SLIT3: variants seen among roughly 807,000 people sequenced by gnomAD.
SLIT3 encodes slit homolog 3 protein.
In SLIT3, 68 loss-of-function variants were observed where a neutral mutation model predicts 184.0. The observed-to-expected ratio is 0.37, with a 90% CI of 0.30 to 0.45. The LOEUF (loss-of-function observed/expected upper bound fraction) is 0.45. SLIT3 is among the 20% of genes least tolerant of loss of function. The pLI is 1.00. For missense variants in SLIT3, 1,707 were observed against 2,026.0 expected, an observed-to-expected ratio of 0.84 and a Z score of 3.02; for synonymous variants, 831 against 828.6, an observed-to-expected ratio of 1.00 and a Z score of -0.05.
intron 4 of SLIT3, among the ~76,000 whole-genome samples, chr5:168,957,801 G>A (rs901900160): frequency 1.3e-5 from 2 of 152,168 alleles, no homozygotes; most frequent in African/African-American, 4.8e-5. Flanking sequence ...AGGTGCCACC[G>A]CTGCTAGATC....
chr5:169,279,583 G>A (rs774624984), intron 1 of SLIT3, among the ~76,000 whole-genome samples: 3 of 152,036 alleles, frequency 2.0e-5, no homozygotes, highest in Non-Finnish European at 4.4e-5. Context: ...CAATTCCACA[G>A]GGTTCAACCT....
rs1303975893 is a variant in SLIT3, at chr5:168,964,892, A to G, written c.414-81556T>C. 2.6e-5 allele frequency among the ~76,000 whole-genome samples: 4 copies of G among 152,212 alleles called. No individual in the cohort carries two copies. In the East Asian group the frequency reaches 7.7e-4, roughly 29 times the overall value. The stretch of plus-strand genomic sequence containing the variant: ...AGGGCCCTTAATACATTTCCAGTGA[A>G]GAAGGCTCTAAAAGATAGTAGGTAT... On this transcript the variant is annotated intron_variant, in intron 4 of 35. Transcript: ENST00000519560.
At chr5:169,069,547 G>A (rs1331673011) in intron 4 of SLIT3, among the ~76,000 whole-genome samples, 4 of 152,176 alleles carry the variant, frequency 2.6e-5, no homozygotes, top group African/African-American at 4.8e-5. Context: ...ACCTATAGGA[G>A]TGGTCCCCTA....
intron 4 of SLIT3, among the ~76,000 whole-genome samples, chr5:169,086,675 T>C (rs1287860848): frequency 1.3e-5 from 2 of 152,226 alleles, no homozygotes; most frequent in African/African-American, 4.8e-5. Context: ...CTGGTGATTA[T>C]GAAAATTTGT....
chr5:168,771,736 T>C (rs1755554932), intron 14 of SLIT3, among the ~76,000 whole-genome samples: 2 of 152,204 alleles, frequency 1.3e-5, no homozygotes, highest in South Asian at 4.1e-4. Context: ...AAGCTTATCA[T>C]TCTGGAGACA....
At chr5:168,678,509 C>T (rs1041511592) in intron 32 of SLIT3, among the ~76,000 whole-genome samples, 2 of 151,920 alleles carry the variant, frequency 1.3e-5, no homozygotes, top group African/African-American at 4.8e-5. Context: ...TAGTGAAACC[C>T]CATCTCTACT....
intron 16 of SLIT3, among the ~76,000 whole-genome samples, chr5:168,755,402 T>TC (rs1491294580): frequency 1.7e-4 from 3 of 17,724 alleles, no homozygotes; most frequent in East Asian, 1.9e-3. Context: ...TCTTTCTTTC[T>TC]TTCTTTCTTT....
intron 29 of SLIT3, among the ~76,000 whole-genome samples, chr5:168,690,357 GACC>G (rs1397079515): frequency 6.6e-6 from 1 of 152,040 alleles, no homozygotes; most frequent in Non-Finnish European, 1.5e-5. Context: ...GTGGCCCCTA[GACC>G]ACTTCTGACC....
At chr5:168,696,680 C>T (rs1052032918) in intron 27 of SLIT3, among the ~76,000 whole-genome samples, 6 of 152,180 alleles carry the variant, frequency 3.9e-5, no homozygotes, top group Non-Finnish European at 5.9e-5. Flanking sequence ...TGCTGGCTGC[C>T]TCGCTCTGGG....
intron 1 of SLIT3, among the ~76,000 whole-genome samples, chr5:169,273,280 C>A (rs1349273060): frequency 1.3e-5 from 2 of 152,204 alleles, no homozygotes; most frequent in South Asian, 2.1e-4. Flanking sequence ...GTACCTCTGG[C>A]TTTGCCAAGT....
intron 5 of SLIT3, among the ~76,000 whole-genome samples, chr5:168,876,325 A>C (rs1484717040): frequency 3.3e-5 from 5 of 152,140 alleles, no homozygotes; most frequent in African/African-American, 1.2e-4. Flanking sequence ...CTGCTGCTGA[A>C]GCTGTTTTTC....
intron 4 of SLIT3, among the ~76,000 whole-genome samples, chr5:168,941,957 A>T (rs1762347125): frequency 6.6e-6 from 1 of 152,222 alleles, no homozygotes; most frequent in Admixed American, 6.5e-5. Flanking sequence ...CATAGCAAGC[A>T]GCCAATTGAG....
intron 4 of SLIT3, among the ~76,000 whole-genome samples, chr5:169,066,986 CAAG>C (rs1229353786): frequency 1.4e-5 from 2 of 138,904 alleles, no homozygotes; most frequent in Admixed American, 7.2e-5. Flanking sequence ...TGCCTAAAGA[CAAG>C]AAGAACAAAC....
chr5:169,198,903 G>T (rs905275956), intron 3 of SLIT3, among the ~76,000 whole-genome samples: 1 of 151,636 alleles, frequency 6.6e-6, no homozygotes. Flanking sequence ...CTGCAAGCCA[G>T]CCTGGGCAAC....
At chr5:168,746,968 T>TG (rs1754488230) in intron 20 of SLIT3, among the ~76,000 whole-genome samples, 4 of 131,356 alleles carry the variant, frequency 3.0e-5, no homozygotes, top group African/African-American at 1.2e-4. Context: ...TGTGGTGGTG[T>TG]GTGGTGTGTG....
chr5:169,079,612 G>A (rs1758898829), intron 4 of SLIT3, among the ~76,000 whole-genome samples: 1 of 127,520 alleles, frequency 7.8e-6, no homozygotes, highest in South Asian at 3.0e-4. Flanking sequence ...GGAGGAGGAG[G>A]AAGGAGGAGA....
At position 168,882,065 on chromosome 5, in the gene SLIT3, T is replaced by A. The variant is rs1369988168; in HGVS notation, c.485+1200A>T. Reference sequence around the variant, plus strand: ...AAAACACCAAAAGCTTTCCGCTAAGTCCACAGGGGAGGCAGATAACCTGCA... The same window carrying A: ...AAAACACCAAAAGCTTTCCGCTAAGACCACAGGGGAGGCAGATAACCTGCA... On this transcript the variant is annotated intron_variant, in intron 5 of 35. Transcript: ENST00000519560. Among the ~76,000 whole-genome samples the A allele has an allele frequency of 4.6e-5, 7 of 152,194 alleles. No individual in the cohort carries two copies. The East Asian group carries it at 1.3e-3, about 29-fold the overall frequency.
chr5:169,133,444 TG>T lies in SLIT3; in HGVS notation c.413+60034del, dbSNP rs1189876984. Among the ~76,000 whole-genome samples the T allele has an allele frequency of 7.9e-5, 12 of 152,334 alleles. No individual in the cohort carries two copies. The East Asian group carries it at 2.1e-3, about 27-fold the overall frequency. ...GCTGTGTCATCTATGCATAGAGCCA[TG>T]GGAATTGGCTTGCCAACAGTCTCCA... On this transcript the variant is annotated intron_variant, in intron 4 of 35. Transcript: ENST00000519560.
At chr5:168,760,802 T>C (rs1382676260) in intron 16 of SLIT3, 60 bp downstream of exon 16, 19 of 1,296,210 alleles carry the variant, frequency 1.5e-5, no homozygotes, top group African/African-American at 2.9e-5. Flanking sequence ...TCCTCTAGTC[T>C]AGAACACAGG....
Sources: gnomAD v4.1 joint callset for allele counts (sites outside exome capture counted in the v4.1 genomes callset) on GRCh38, gnomAD v4.1.1 for gene constraint, MANE v1.5 for transcripts, NCBI Gene and HGNC (gene_info 2026-07-23, HGNC 2026-07-21) for gene names.